KLHL2: variants seen among roughly 807,000 people sequenced by gnomAD.
KLHL2 encodes kelch-like protein 2.
Under a neutral mutation model 75.8 loss-of-function variants are expected in KLHL2, and 15 were observed. The observed-to-expected ratio is 0.20, with a 90% CI of 0.13 to 0.30. The LOEUF (loss-of-function observed/expected upper bound fraction) is 0.30, where lower values mean the gene tolerates loss of function less well. Among genes scored for constraint, KLHL2 ranks in the 10% least tolerant of loss-of-function variants. The pLI, the probability that KLHL2 is intolerant of heterozygous loss-of-function variation, is 1.00. For synonymous variants in KLHL2, 214 were observed against 251.9 expected (o/e 0.85, Z 1.42); for missense variants, 381 against 741.0 (o/e 0.51, Z 5.64).
chr4:165,218,721 A>C (rs912494298), intron 1 of KLHL2, among the ~76,000 whole-genome samples: 2 of 151,842 alleles, frequency 1.3e-5, no homozygotes, highest in Non-Finnish European at 2.9e-5. Flanking sequence ...GGTTGGTACT[A>C]AAAACAATTG....
intron 6 of KLHL2, 83 bp downstream of exon 6, chr4:165,294,551 A>G: frequency 1.5e-6 from 1 of 688,154 alleles, no homozygotes; most frequent in Non-Finnish European, 2.5e-6. Flanking sequence ...TAGCTTTGTG[A>G]TCCTGTATGT....
chr4:165,254,795 A>G (rs1363504787), intron 4 of KLHL2, among the ~76,000 whole-genome samples: 1 of 152,224 alleles, frequency 6.6e-6, no homozygotes, highest in East Asian at 1.9e-4. Flanking sequence ...TCTTTTGCAA[A>G]TTTTCCCTGA....
chr4:165,233,666 G>C (rs1325063803), intron 3 of KLHL2, among the ~76,000 whole-genome samples: 2 of 152,162 alleles, frequency 1.3e-5, no homozygotes, highest in Non-Finnish European at 2.9e-5. Flanking sequence ...AGGCTTTGGG[G>C]ACTAGAGTGA....
chr4:165,242,987 A>C (rs1739943944), intron 4 of KLHL2, among the ~76,000 whole-genome samples: 1 of 152,214 alleles, frequency 6.6e-6, no homozygotes, highest in Non-Finnish European at 1.5e-5. Context: ...TTGAAGAAAT[A>C]GGCTTAAGAA....
rs757991298 is a variant in KLHL2 at position 165,277,937 on chromosome 4, C to G, written c.544+14578C>G. On this transcript the variant is annotated intron_variant, in intron 5 of 14. Coordinates refer to ENST00000226725, the MANE Select transcript of KLHL2 (RefSeq NM_007246.4). Reference sequence around the variant, plus strand: ...AGAGACAATTGCTGGGTTGTTCTTTCATTATGTAAAAAGCTCGCATCTTGG... The same window carrying G: ...AGAGACAATTGCTGGGTTGTTCTTTGATTATGTAAAAAGCTCGCATCTTGG... 7 of 941,356 alleles carry G rather than the reference C, an allele frequency of 7.4e-6. No individual in the cohort carries two copies. The Admixed American group carries it at 1.2e-4, about 16-fold the overall frequency. The allele number at this position is 941,356 out of a possible 1,614,324, so 58.3% of individuals were successfully genotyped here. A position where few individuals can be genotyped will look rare whatever the true frequency, so the allele number is the denominator to read the frequency against.
At chr4:165,291,434 T>C (rs898584859) in intron 5 of KLHL2, among the ~76,000 whole-genome samples, 22 of 152,244 alleles carry the variant, frequency 1.4e-4, no homozygotes, top group African/African-American at 5.3e-4. Flanking sequence ...TTTTCTCCTA[T>C]GTTATCTTCT....
At chr4:165,290,289 T>C (rs1484864448) in intron 5 of KLHL2, among the ~76,000 whole-genome samples, 1 of 151,932 alleles carries the variant, frequency 6.6e-6, no homozygotes, top group Non-Finnish European at 1.5e-5. Flanking sequence ...ACTACAAACA[T>C]GCACCACCAT....
intron 1 of KLHL2, among the ~76,000 whole-genome samples, chr4:165,218,849 A>G (rs1331990871): frequency 6.6e-6 from 1 of 152,248 alleles, no homozygotes; most frequent in Non-Finnish European, 1.5e-5. Flanking sequence ...TGATATATAT[A>G]CAAGTATGAT....
intron 4 of KLHL2, among the ~76,000 whole-genome samples, chr4:165,259,932 A>G (rs1741510717): frequency 6.6e-6 from 1 of 151,528 alleles, no homozygotes; most frequent in Non-Finnish European, 1.5e-5. Context: ...TTTGATCTCA[A>G]AACTTTCAGC....
At chr4:165,307,593 C>A (rs1180686523) in intron 9 of KLHL2, among the ~76,000 whole-genome samples, 1 of 152,122 alleles carries the variant, frequency 6.6e-6, no homozygotes, top group East Asian at 1.9e-4. Flanking sequence ...GTCCCAGAGT[C>A]TTTTCTTATC....
chr4:165,316,267 A>AAT (rs1169908360), intron 13 of KLHL2, among the ~76,000 whole-genome samples: 1 of 152,176 alleles, frequency 6.6e-6, no homozygotes, highest in Non-Finnish European at 1.5e-5. Context: ...TCTTTAGAAC[A>AAT]ATATAGTCTC....
intron 11 of KLHL2, 64 bp from the exon 12 acceptor site, chr4:165,313,174 A>G (rs1746338313): frequency 2.6e-6 from 4 of 1,535,362 alleles, no homozygotes; most frequent in Non-Finnish European, 3.6e-6. Flanking sequence ...TGGCTTGAAA[A>G]ATTAGTGTTT....
At position 165,322,980 on chromosome 4, in the gene KLHL2, T is replaced by A. The variant is rs1434854482; in HGVS notation, c.*920T>A. 1.3e-5 allele frequency: 2 copies of A among 152,642 alleles called. No individual in the cohort carries two copies. The highest frequency in any genetic ancestry group is 4.8e-5 in the African/African-American group (2 of 41,460). 9.5% of individuals were successfully genotyped at this position (152,642 alleles called of 1,614,324 possible). On this transcript the variant is annotated 3_prime_UTR_variant, in exon 15 of 15. Coordinates refer to ENST00000226725, the MANE Select transcript of KLHL2 (RefSeq NM_007246.4). ...TGAATTTGCATGGTCTTCGGAATTT[T>A]TTCTGTGTGTATAAATTTAGCTGCT...
At chr4:165,295,895 T>G (rs1020457119) in intron 6 of KLHL2, among the ~76,000 whole-genome samples, 1 of 152,222 alleles carries the variant, frequency 6.6e-6, no homozygotes, top group South Asian at 2.1e-4. Context: ...AACTGTATTG[T>G]AGTGATGAGC....
intron 3 of KLHL2, among the ~76,000 whole-genome samples, chr4:165,235,857 G>C (rs1739304689): frequency 1.3e-5 from 2 of 152,362 alleles, no homozygotes; most frequent in South Asian, 4.1e-4. Context: ...ACATTGCTTG[G>C]TGTCTGTAGA....
At position 165,207,959 on chromosome 4, in the gene KLHL2, G is replaced by GC; in HGVS notation, c.26+57_26+58insC. ...GCGGATAAGCGCGCCGCTGCGGCGC[G>GC]TGTCGCCGGCCGCGGGCGCAGCTCT... On this transcript the variant is annotated intron_variant, in intron 1 of 14. Transcript: ENST00000226725. This position sits in a 1 kb window ranked among gnomAD's most constrained non-coding sequence, Gnocchi z 4.2. The GC allele has an allele frequency of 1.6e-6, 2 of 1,257,224 alleles. No individual in the cohort carries two copies. Among genetic ancestry groups the GC allele is most frequent in the Non-Finnish European group, 2.0e-6 (2 of 997,252 alleles). The allele number at this position is 1,257,224 out of a possible 1,614,324, so 77.9% of individuals were successfully genotyped here.
At chr4:165,223,319 G>C (rs1398372935) in intron 2 of KLHL2, among the ~76,000 whole-genome samples, 1 of 152,226 alleles carries the variant, frequency 6.6e-6, no homozygotes, top group Non-Finnish European at 1.5e-5. Flanking sequence ...CATACAGAGA[G>C]GAGGATGAGG....
chr4:165,277,762 C>A (rs1251925465), intron 5 of KLHL2: 4 of 587,410 alleles, frequency 6.8e-6, no homozygotes, highest in Non-Finnish European at 1.2e-5. Context: ...CACACACACA[C>A]ACACACACAC....
chr4:165,310,855 GTTT>G (rs201298313), intron 10 of KLHL2, 105 bp downstream of exon 10: 8,549 of 589,950 alleles, frequency 0.014, 3 homozygotes, highest in Middle Eastern at 0.023. Context: ...GGTTTTTTGT[GTTT>G]TTTTTTTTTT....
Sources: gnomAD v4.1 joint callset for allele counts (sites outside exome capture counted in the v4.1 genomes callset) on GRCh38, gnomAD v4.1.1 for gene constraint, Gnocchi (gnomAD v3.1) non-coding constraint, MANE v1.5 for transcripts, NCBI Gene and HGNC (gene_info 2026-07-23, HGNC 2026-07-21) for gene names.